STARD8: variants seen among roughly 807,000 people sequenced by gnomAD.
The protein encoded by STARD8 is StAR related lipid transfer domain containing 8, also known as stAR-related lipid transfer protein 8.
A neutral mutation model predicts 69.4 loss-of-function variants in STARD8; 25 were observed. The observed-to-expected ratio is 0.36, with a 90% CI of 0.26 to 0.50. The LOEUF is 0.50. Among genes scored for constraint, STARD8 ranks in the 20% least tolerant of loss-of-function variants. The pLI is 0.96. For missense variants in STARD8, 921 were observed against 932.5 expected (o/e 0.99, Z 0.16); for synonymous variants, 389 against 374.6 (o/e 1.04, Z -0.45).
chrX:68,690,675 A>G (rs2079870906), intron 2 of STARD8, among the ~76,000 whole-genome samples: 2 of 112,084 alleles, frequency 1.8e-5, no homozygotes, highest in South Asian at 7.3e-4. Flanking sequence ...ATTATACTCT[A>G]GTCTTGTTAT....
intron 2 of STARD8, among the ~76,000 whole-genome samples, chrX:68,668,144 C>CT (rs2079700825): frequency 1.4e-5 from 1 of 73,674 alleles, no homozygotes; most frequent in East Asian, 4.2e-4. Flanking sequence ...TCTTTCTTTT[C>CT]TTTCTTTCTT....
intron 2 of STARD8, among the ~76,000 whole-genome samples, chrX:68,672,950 T>C (rs1043820035): frequency 3.6e-5 from 4 of 111,663 alleles, no homozygotes; most frequent in Middle Eastern, 4.6e-3. Flanking sequence ...GGGAATACAT[T>C]CCACAGGGGA....
intron 1 of STARD8, among the ~76,000 whole-genome samples, chrX:68,653,269 A>G (rs1602535929): frequency 3.1e-5 from 2 of 64,007 alleles, no homozygotes; most frequent in East Asian, 1.2e-3. Context: ...CACACACCAC[A>G]CACCACACCA....
Position 68,698,998 on chromosome X carries a change from A to T in STARD8, c.80-13916A>T, listed in dbSNP as rs190597877. 3.9e-3 allele frequency among the ~76,000 whole-genome samples: 437 copies of T among 112,031 alleles called. 3 individuals carry two copies. Among genetic ancestry groups the T allele is most frequent in the African/African-American group, 0.014 (428 of 30,806 alleles). ...TCAGTTGGAGCTGGCCAAGCCCTGA[A>T]TTGCCACAGCTTGGGTTCTCCTTGT... On this transcript the variant is annotated intron_variant, in intron 2 of 14. Coordinates refer to ENST00000374599, the MANE Select transcript of STARD8 (RefSeq NM_001142503.3).
intron 1 of STARD8, among the ~76,000 whole-genome samples, chrX:68,653,195 TCA>T (rs1491301719): frequency 5.7e-3 from 15 of 2,635 alleles, no homozygotes; most frequent in African/African-American, 0.019. Context: ...CACACACACA[TCA>T]CACACACACC....
chrX:68,664,773 C>T (rs1319011758), intron 1 of STARD8, among the ~76,000 whole-genome samples: 1 of 112,348 alleles, frequency 8.9e-6, no homozygotes, highest in East Asian at 2.8e-4. Context: ...AGTTCAGCTG[C>T]GTAAGGATCT....
At chrX:68,688,865 C>T (rs1250674060) in intron 2 of STARD8, among the ~76,000 whole-genome samples, 3 of 105,650 alleles carry the variant, frequency 2.8e-5, no homozygotes, top group Non-Finnish European at 5.9e-5. Flanking sequence ...CTGCAGAAGC[C>T]CTGTGCATGC....
intron 1 of STARD8, among the ~76,000 whole-genome samples, chrX:68,658,214 A>G (rs1313346987): frequency 6.2e-5 from 7 of 112,251 alleles, no homozygotes; most frequent in Non-Finnish European, 1.9e-5. Flanking sequence ...CCCTCCACAT[A>G]TATTAACTCA....
intron 2 of STARD8, among the ~76,000 whole-genome samples, chrX:68,710,759 G>T (rs901875394): frequency 8.9e-6 from 1 of 112,387 alleles, no homozygotes; most frequent in Non-Finnish European, 1.9e-5. Context: ...GGCCATACTT[G>T]TGACCCTTTA....
chrX:68,689,412 T>C (rs2079859179), intron 2 of STARD8, among the ~76,000 whole-genome samples: 1 of 112,054 alleles, frequency 8.9e-6, no homozygotes, highest in South Asian at 3.8e-4. Context: ...GGCACTGTCA[T>C]GGCCCGGGGG....
At chrX:68,656,706 T>C (rs1268669042) in intron 1 of STARD8, among the ~76,000 whole-genome samples, 1 of 111,402 alleles carries the variant, frequency 9.0e-6, no homozygotes, top group Non-Finnish European at 1.9e-5. Context: ...GTGTCCTTTG[T>C]AGGGACATGG....
intron 1 of STARD8, among the ~76,000 whole-genome samples, chrX:68,652,142 G>C (rs1488402199): frequency 9.0e-6 from 1 of 110,607 alleles, no homozygotes; most frequent in East Asian, 2.8e-4. Context: ...ACAGGCGTAA[G>C]TCACCACGCT....
At chrX:68,701,769 G>A (rs1026283576) in intron 2 of STARD8, among the ~76,000 whole-genome samples, 1 of 111,936 alleles carries the variant, frequency 8.9e-6, no homozygotes, top group Non-Finnish European at 1.9e-5. Flanking sequence ...GGAGAACAGG[G>A]TGCTGGGTGG....
chrX:68,721,951 C>A, intron 10 of STARD8, 96 bp from the exon 11 acceptor site: 1 of 908,508 alleles, frequency 1.1e-6, no homozygotes, highest in Non-Finnish European at 1.5e-6. Flanking sequence ...CCAGGTTTGG[C>A]AAAGTGGCTT....
intron 2 of STARD8, among the ~76,000 whole-genome samples, chrX:68,668,236 C>CTT (rs1556021612): frequency 4.1e-4 from 30 of 73,230 alleles, no homozygotes; most frequent in Admixed American, 4.0e-3. Flanking sequence ...CTTTTTTCTC[C>CTT]TCTTTCTTTC....
intron 2 of STARD8, among the ~76,000 whole-genome samples, chrX:68,700,255 A>G (rs961228200): frequency 8.9e-6 from 1 of 112,117 alleles, no homozygotes; most frequent in Non-Finnish European, 1.9e-5. Flanking sequence ...CACTTCCATG[A>G]TTCCATTGTG....
In STARD8 at chrX:68,718,213, G is replaced by T; in HGVS notation, c.1299G>T (p.Glu433Asp). ...CATCAGTAGAAATAGCCACAGTTGA[G>T]GTCAAATGCCAAGCTGAGGCTCTCA... ...ATSSVEIATV[E>D]VKCQAEALSQ... The change falls in exon 6 of 15, where the codon GAG (glutamate) becomes GAT (aspartate). Residue 433 changes from glutamate (E) to aspartate (D), a missense_variant. By Grantham distance (45) the Glu-to-Asp change is conservative. Transcript: ENST00000374599. 2 of 1,211,758 alleles carry T rather than the reference G, an allele frequency of 1.7e-6. No individual in the cohort carries two copies. The highest frequency in any genetic ancestry group is 1.7e-5 in the African/African-American group (1 of 57,808).
intron 4 of STARD8, 76 bp downstream of exon 4, chrX:68,715,451 G>T: frequency 3.4e-6 from 3 of 894,259 alleles, no homozygotes; most frequent in Non-Finnish European, 4.6e-6. Flanking sequence ...AACATCCCTT[G>T]TACCCTCTAA....
chrX:68,707,460 C>T (rs931531032), intron 2 of STARD8, among the ~76,000 whole-genome samples: 1 of 111,890 alleles, frequency 8.9e-6, no homozygotes, highest in African/African-American at 3.3e-5. Flanking sequence ...CAGGCCTTTT[C>T]TGTTTAGGGC....
Sources: allele counts gnomAD v4.1 joint callset (sites outside exome capture counted in the v4.1 genomes callset), GRCh38; gene constraint gnomAD v4.1.1; transcripts MANE v1.5; gene names NCBI Gene and HGNC (gene_info 2026-07-23, HGNC 2026-07-21).